GNG2: variants seen among roughly 807,000 people sequenced by gnomAD.
The protein encoded by GNG2 is guanine nucleotide-binding protein G(I)/G(S)/G(O) subunit gamma-2.
GNG2 carries 5 observed loss-of-function variants against 5.5 expected under a neutral mutation model. That is an observed-to-expected ratio of 0.91 (90% CI 0.48 to 1.92). The LOEUF is 1.92. GNG2 is among the 30% of genes most tolerant of loss of function. The pLI is 0.01. For synonymous variants in GNG2, 28 were observed against 32.0 expected (o/e 0.88, Z 0.42); for missense variants, 55 against 88.4 (o/e 0.62, Z 1.52).
chr14:51,884,578 G>C (rs955783845), intron 2 of GNG2, among the ~76,000 whole-genome samples: 4 of 152,178 alleles, frequency 2.6e-5, no homozygotes, highest in Admixed American at 6.5e-5. Context: ...GTGAGGAAGA[G>C]AGAGGCACAG....
At chr14:51,874,615 C>T (rs1673811603) in intron 1 of GNG2, among the ~76,000 whole-genome samples, 1 of 151,740 alleles carries the variant, frequency 6.6e-6, no homozygotes, top group Admixed American at 6.6e-5. Flanking sequence ...ACCTGTGGTC[C>T]CAGCTACTAC....
intron 2 of GNG2, among the ~76,000 whole-genome samples, chr14:51,838,417 C>T (rs1881397704): frequency 6.6e-6 from 1 of 151,422 alleles, no homozygotes; most frequent in Non-Finnish European, 1.5e-5. Context: ...GCTCTCCAGC[C>T]TGGGCAACAG....
At chr14:51,897,084 G>A (rs1885241083) in intron 2 of GNG2, among the ~76,000 whole-genome samples, 1 of 152,200 alleles carries the variant, frequency 6.6e-6, no homozygotes, top group South Asian at 2.1e-4. Flanking sequence ...TCTTTGGGTG[G>A]CGTCCTTTTA....
chr14:51,944,411 A>G (rs1888525153), intron 2 of GNG2, among the ~76,000 whole-genome samples: 1 of 152,202 alleles, frequency 6.6e-6, no homozygotes, highest in Admixed American at 6.5e-5. Context: ...TTATAAGAGT[A>G]CTAATATAAT....
At chr14:51,855,795 C>CAGAGAG (rs139891029), upstream of GNG2, among the ~76,000 whole-genome samples, 2 of 149,720 alleles carry the variant, frequency 1.3e-5, no homozygotes, top group African/African-American at 4.9e-5. Context: ...TGATAGGAAA[C>CAGAGAG]AGAGAGAGAG....
At chr14:51,917,652 A>G (rs1010130036) in intron 2 of GNG2, among the ~76,000 whole-genome samples, 7 of 152,142 alleles carry the variant, frequency 4.6e-5, no homozygotes, top group African/African-American at 1.7e-4. Context: ...TTCCTTTGAG[A>G]TATTAGGTCA....
At chr14:51,855,018 T>C (rs1301283060) in intron 2 of GNG2, among the ~76,000 whole-genome samples, 1 of 152,218 alleles carries the variant, frequency 6.6e-6, no homozygotes, top group Non-Finnish European at 1.5e-5. Flanking sequence ...TCAACATTTA[T>C]GTTTGTTTTC....
chr14:51,868,614 C>T (rs879332523), intron 1 of GNG2, among the ~76,000 whole-genome samples: 14 of 151,984 alleles, frequency 9.2e-5, no homozygotes, highest in African/African-American at 2.9e-4. Flanking sequence ...GATATTGGGG[C>T]GAAGGGGGCT....
chr14:51,955,013 T>C (rs1455840192), intron 3 of GNG2, among the ~76,000 whole-genome samples: 1 of 152,170 alleles, frequency 6.6e-6, no homozygotes, highest in African/African-American at 2.4e-5. Context: ...ATGGGAATCA[T>C]TGTAAGCTGG....
intron 3 of GNG2, among the ~76,000 whole-genome samples, chr14:51,960,302 A>G (rs1309730150): frequency 1.3e-5 from 2 of 151,462 alleles, no homozygotes; most frequent in South Asian, 2.1e-4. Flanking sequence ...TTTTCACCTC[A>G]TTGTATTTTT....
rs1316165355 is a variant in GNG2 at position 51,870,310 on chromosome 14, C to T, written c.-70-7307C>T. Among the ~76,000 whole-genome samples the T allele has an allele frequency of 5.3e-5, 8 of 151,540 alleles. No individual in the cohort carries two copies. In the East Asian group the frequency reaches 1.5e-3, roughly 29 times the overall value. On this transcript the variant is annotated intron_variant, in intron 1 of 3. Coordinates refer to ENST00000556766, the MANE Select transcript of GNG2 (RefSeq NM_053064.5). Reference sequence around the variant, plus strand: ...GATCTAGGTAGGCCAGAGGAAGAATCCTGGCGAAAAACACAGACTGGAGAA... The same window carrying T: ...GATCTAGGTAGGCCAGAGGAAGAATTCTGGCGAAAAACACAGACTGGAGAA...
Position 51,854,730 on chromosome 14 carries a change from C to T in GNG2, c.64+26923C>T, listed in dbSNP as rs144175067. Among the ~76,000 whole-genome samples the T allele has an allele frequency of 9.8e-3, 1,487 of 152,200 alleles. 30 individuals carry two copies. Among genetic ancestry groups the T allele is most frequent in the African/African-American group, 0.035 (1,434 of 41,504 alleles). ...GTTTTGCCATGTTGGCCAGGCTGCT[C>T]TCAAACCCCTGACCTCAAGTGATCC... On this transcript the variant is annotated intron_variant, in intron 2 of 3. Coordinates refer to the GNG2 transcript ENST00000553432.
Position 51,890,538 on chromosome 14 carries a change from T to C in GNG2, c.-30+12881T>C, listed in dbSNP as rs1594882043. On this transcript the variant is annotated intron_variant, in intron 2 of 3. Coordinates refer to ENST00000556766, the MANE Select transcript of GNG2 (RefSeq NM_053064.5). ...ACTTGGAAATATTTATGTCACAGTG[T>C]GTGTTTAGCTTGGGTTTTCTGTTAT... Among the ~76,000 whole-genome samples the C allele has an allele frequency of 3.9e-5, 6 of 152,350 alleles. 1 individual carries two copies. Among genetic ancestry groups the C allele is most frequent in the Admixed American group, 3.9e-4 (6 of 15,306 alleles).
At chr14:51,864,170 A>G (rs527363721) in intron 1 of GNG2, among the ~76,000 whole-genome samples, 1 of 152,210 alleles carries the variant, frequency 6.6e-6, no homozygotes, top group South Asian at 2.1e-4. Flanking sequence ...ATCAATATTT[A>G]TTTTGTTTTT....
chr14:51,919,120 C>T (rs958163193), intron 2 of GNG2, among the ~76,000 whole-genome samples: 9 of 152,130 alleles, frequency 5.9e-5, no homozygotes, highest in African/African-American at 1.9e-4. Flanking sequence ...CCACCGCGTC[C>T]GGCCTAGAAA....
At chr14:51,850,334 A>C (rs891569628) in intron 2 of GNG2, among the ~76,000 whole-genome samples, 2 of 152,060 alleles carry the variant, frequency 1.3e-5, no homozygotes, top group Non-Finnish European at 1.5e-5. Context: ...TCTTTGCGGC[A>C]ATCTTATTTA....
At chr14:51,966,210 A>AG (rs1889886766) in intron 3 of GNG2, among the ~76,000 whole-genome samples, 1 of 70,708 alleles carries the variant, frequency 1.4e-5, no homozygotes, top group Non-Finnish European at 2.8e-5. Flanking sequence ...ACTGCATCTC[A>AG]AAAAAAAAAA....
At chr14:51,900,271 A>G (rs188293125) in intron 2 of GNG2, among the ~76,000 whole-genome samples, 38 of 152,288 alleles carry the variant, frequency 2.5e-4, no homozygotes, top group African/African-American at 8.7e-4. Flanking sequence ...GACTTGGAGC[A>G]TTTTTATATA....
At chr14:51,942,054 G>A (rs1465625146) in intron 2 of GNG2, among the ~76,000 whole-genome samples, 1 of 152,032 alleles carries the variant, frequency 6.6e-6, no homozygotes, top group Non-Finnish European at 1.5e-5. Context: ...ATCTCATTCT[G>A]TCAGTAGACT....
Sources: allele counts gnomAD v4.1 joint callset (sites outside exome capture counted in the v4.1 genomes callset), GRCh38; gene constraint gnomAD v4.1.1; transcripts MANE v1.5; gene names NCBI Gene and HGNC (gene_info 2026-07-23, HGNC 2026-07-21).